The following CSMD3 variants were observed in gnomAD, a reference collection of about 807,000 sequenced individuals.
CSMD3 encodes the protein CUB and Sushi multiple domains 3, also known as CUB and sushi domain-containing protein 3.
Under a neutral mutation model 435.2 loss-of-function variants are expected in CSMD3, and 177 were observed. That is an observed-to-expected ratio of 0.41 (90% CI 0.36 to 0.46). The LOEUF is 0.46. Among genes scored for constraint, CSMD3 ranks in the 20% least tolerant of loss-of-function variants. The pLI, the probability that CSMD3 is intolerant of heterozygous loss-of-function variation, is 0.34. For missense variants in CSMD3, 4,265 were observed against 4,504.6 expected (o/e 0.95, Z 1.52); for synonymous variants, 1,656 against 1,520.5 (o/e 1.09, Z -2.07).
chr8:113,319,996 T>C (rs1306595416), intron 1 of CSMD3, among the ~76,000 whole-genome samples: 1 of 152,064 alleles, frequency 6.6e-6, no homozygotes, highest in Non-Finnish European at 1.5e-5. Context: ...GGTAAAATGA[T>C]ATAAAGAACA....
chr8:113,270,985 T>TA (rs3048870), intron 3 of CSMD3, among the ~76,000 whole-genome samples: 18,879 of 148,134 alleles, frequency 0.13, 1,243 homozygotes, highest in Non-Finnish European at 0.13. Flanking sequence ...TCAAAAAGCA[T>TA]AAAAAAAAAA....
intron 1 of CSMD3, among the ~76,000 whole-genome samples, chr8:113,347,836 G>C (rs2094162456): frequency 6.6e-6 from 1 of 152,030 alleles, no homozygotes; most frequent in Admixed American, 6.6e-5. Flanking sequence ...TGAAAATGAA[G>C]AGAAATGATA....
intron 59 of CSMD3, among the ~76,000 whole-genome samples, chr8:112,272,763 A>G (rs1480767344): frequency 6.6e-6 from 1 of 152,196 alleles, no homozygotes; most frequent in Non-Finnish European, 1.5e-5. Flanking sequence ...ATTCTAATTT[A>G]ATTTGATTAC....
intron 4 of CSMD3, among the ~76,000 whole-genome samples, chr8:113,149,477 C>A (rs2131775515): frequency 6.6e-6 from 1 of 151,956 alleles, no homozygotes; most frequent in East Asian, 2.0e-4. Context: ...AAATTCAAGA[C>A]CTTCTTTTTG....
chr8:112,845,162 T>C (rs1395592026), intron 11 of CSMD3, among the ~76,000 whole-genome samples: 3 of 152,078 alleles, frequency 2.0e-5, no homozygotes, highest in African/African-American at 7.2e-5. Flanking sequence ...CTAGGAATAA[T>C]TGCTCAGTTA....
intron 6 of CSMD3, among the ~76,000 whole-genome samples, chr8:112,982,430 C>T (rs1042651251): frequency 1.5e-4 from 23 of 151,792 alleles, no homozygotes; most frequent in Admixed American, 2.0e-4. Flanking sequence ...AACCAGAATC[C>T]TGAATCTTTA....
chr8:112,770,486 C>CT (rs893316003), intron 13 of CSMD3, among the ~76,000 whole-genome samples: 11 of 151,936 alleles, frequency 7.2e-5, no homozygotes, highest in African/African-American at 1.4e-4. Context: ...AAATACATTT[C>CT]TTTTTTTTAA....
At chr8:112,930,519 A>G (rs1390548629) in intron 9 of CSMD3, among the ~76,000 whole-genome samples, 2 of 152,130 alleles carry the variant, frequency 1.3e-5, no homozygotes, top group African/African-American at 4.8e-5. Flanking sequence ...CTATAGAGGC[A>G]TAGATGAACT....
At chr8:112,749,904 G>T (rs1480952213) in intron 13 of CSMD3, among the ~76,000 whole-genome samples, 1 of 152,014 alleles carries the variant, frequency 6.6e-6, no homozygotes, top group Non-Finnish European at 1.5e-5. Context: ...GCTGCACAAA[G>T]ATTAGAGTAC....
chr8:112,918,710 G>C (rs946594050), intron 10 of CSMD3, among the ~76,000 whole-genome samples: 4 of 151,836 alleles, frequency 2.6e-5, no homozygotes, highest in Admixed American at 2.0e-4. Flanking sequence ...AATTGTCTCT[G>C]TTTGTGTAAA....
At chr8:112,529,581 C>T (rs571082741) in intron 27 of CSMD3, among the ~76,000 whole-genome samples, 23 of 152,178 alleles carry the variant, frequency 1.5e-4, no homozygotes, top group African/African-American at 5.3e-4. Context: ...GAGCAAGACT[C>T]TGCCTCAAAA....
rs1194442456 is a variant in CSMD3, at chr8:113,114,907, G to T, written c.710-15944C>A. 3.3e-5 allele frequency among the ~76,000 whole-genome samples: 5 copies of T among 152,186 alleles called. No individual in the cohort carries two copies. In the East Asian group the frequency reaches 9.6e-4, roughly 29 times the overall value. On this transcript the variant is annotated intron_variant, in intron 4 of 70. Coordinates refer to ENST00000297405, the MANE Select transcript of CSMD3 (RefSeq NM_198123.2). ...ATCAAGTGGATTGGGAAATCAAGGA[G>T]AGCGTGAAGGTTAAAAATGAAAGTA...
At chr8:112,276,528 C>T (rs1224487479) in intron 59 of CSMD3, among the ~76,000 whole-genome samples, 1 of 152,038 alleles carries the variant, frequency 6.6e-6, no homozygotes, top group African/African-American at 2.4e-5. Context: ...ACAGCTCCTC[C>T]CATCACAGGC....
intron 13 of CSMD3, among the ~76,000 whole-genome samples, chr8:112,697,646 GT>G (rs1310146061): frequency 1.3e-5 from 2 of 152,084 alleles, no homozygotes; most frequent in African/African-American, 2.4e-5. Flanking sequence ...CAAATGACAA[GT>G]TAATGGGTGC....
intron 27 of CSMD3, among the ~76,000 whole-genome samples, chr8:112,529,242 T>C (rs1825288007): frequency 6.6e-6 from 1 of 152,076 alleles, no homozygotes; most frequent in Non-Finnish European, 1.5e-5. Context: ...ATAATGGAAA[T>C]AGTGGTTTGG....
intron 9 of CSMD3, among the ~76,000 whole-genome samples, chr8:112,939,372 A>T (rs1490291156): frequency 6.6e-6 from 1 of 152,078 alleles, no homozygotes; most frequent in African/African-American, 2.4e-5. Flanking sequence ...AGCATTTATT[A>T]GCCCCTCTTT....
intron 59 of CSMD3, among the ~76,000 whole-genome samples, chr8:112,272,028 A>G (rs1303680281): frequency 6.6e-6 from 1 of 152,172 alleles, no homozygotes; most frequent in Non-Finnish European, 1.5e-5. Context: ...ACCTTCTGCC[A>G]GTCAGGGCGT....
chr8:113,172,424 C>T (rs1447272614), intron 4 of CSMD3, among the ~76,000 whole-genome samples: 4 of 151,998 alleles, frequency 2.6e-5, no homozygotes, highest in African/African-American at 7.2e-5. Flanking sequence ...GTAATGATAG[C>T]GGTAATTGTG....
intron 1 of CSMD3, among the ~76,000 whole-genome samples, chr8:113,409,689 G>A (rs187269390): frequency 3.9e-5 from 6 of 152,150 alleles, no homozygotes; most frequent in Admixed American, 1.3e-4. Flanking sequence ...TAATATTGAC[G>A]GCAGTTACTT....
Sources: gnomAD v4.1 joint callset for allele counts (sites outside exome capture counted in the v4.1 genomes callset) on GRCh38, gnomAD v4.1.1 for gene constraint, MANE v1.5 for transcripts, NCBI Gene and HGNC (gene_info 2026-07-23, HGNC 2026-07-21) for gene names.